ST8SIA4: variants seen among roughly 807,000 people sequenced by gnomAD.
ST8SIA4 encodes ST8 alpha-N-acetyl-neuraminide alpha-2,8-sialyltransferase 4, also known as CMP-N-acetylneuraminate-poly-alpha-2,8-sialyltransferase.
ST8SIA4 carries 15 observed loss-of-function variants against 33.9 expected under a neutral mutation model. The observed-to-expected ratio is 0.44, with a 90% CI of 0.30 to 0.68. The LOEUF (loss-of-function observed/expected upper bound fraction) is 0.68. ST8SIA4 is among the 30% of genes least tolerant of loss of function. The pLI, the probability that ST8SIA4 is intolerant of heterozygous loss-of-function variation, is 0.10. For synonymous variants in ST8SIA4, 171 were observed against 151.2 expected (o/e 1.13, Z -0.96); for missense variants, 321 against 428.0 (o/e 0.75, Z 2.21).
At chr5:100,890,799 T>C (rs1752644170) in intron 2 of ST8SIA4, 1 of 151,974 alleles carries the variant, frequency 6.6e-6, no homozygotes, top group African/African-American at 2.4e-5. Context: ...TCTGAAAATC[T>C]GTTTCATTTT....
chr5:100,892,594 T>TA lies in ST8SIA4; in HGVS notation c.245+3059dup, dbSNP rs199739015. On this transcript the variant is annotated intron_variant, in intron 2 of 4. Transcript: ENST00000231461. ...GGGTTGAAAATCATATCCACAAATGTAAAAAAAAATTATCTCAGGAACTGT... is the reference window on the plus strand; with the variant it reads ...GGGTTGAAAATCATATCCACAAATGTAAAAAAAAAATTATCTCAGGAACTGT... 3.2e-3 allele frequency among the ~76,000 whole-genome samples: 488 copies of TA among 151,382 alleles called. 1 individual carries two copies. Among genetic ancestry groups the TA allele is most frequent in the Non-Finnish European group, 3.4e-3 (231 of 67,780 alleles).
chr5:100,850,595 T>C (rs1751670644), intron 4 of ST8SIA4, among the ~76,000 whole-genome samples: 1 of 151,978 alleles, frequency 6.6e-6, no homozygotes, highest in Non-Finnish European at 1.5e-5. Flanking sequence ...TTTCCCAGAC[T>C]CAAATATCAA....
At chr5:100,831,759 G>T (rs531286121) in intron 4 of ST8SIA4, among the ~76,000 whole-genome samples, 23 of 152,070 alleles carry the variant, frequency 1.5e-4, no homozygotes, top group African/African-American at 5.5e-4. Flanking sequence ...TATATGAGTT[G>T]GGTCTGATTA....
intron 3 of ST8SIA4, among the ~76,000 whole-genome samples, chr5:100,873,967 C>T (rs555491138): frequency 1.3e-5 from 2 of 152,164 alleles, no homozygotes; most frequent in African/African-American, 4.8e-5. Flanking sequence ...GCACTTTAAG[C>T]ATTGCTTTGC....
At chr5:100,858,098 A>G (rs1483053651) in intron 3 of ST8SIA4, among the ~76,000 whole-genome samples, 1 of 152,036 alleles carries the variant, frequency 6.6e-6, no homozygotes, top group Non-Finnish European at 1.5e-5. Context: ...TGTGGAACTC[A>G]AGGAAGATCA....
chr5:100,886,923 A>C (rs1247682934), intron 2 of ST8SIA4, among the ~76,000 whole-genome samples: 1 of 152,130 alleles, frequency 6.6e-6, no homozygotes, highest in Admixed American at 6.5e-5. Context: ...AGTAAAACAC[A>C]GTGGCCATGA....
At chr5:100,843,601 G>A (rs562551998) in intron 4 of ST8SIA4, among the ~76,000 whole-genome samples, 51 of 151,834 alleles carry the variant, frequency 3.4e-4, no homozygotes, top group Non-Finnish European at 6.8e-4. Context: ...GAAAACTCAT[G>A]TAAAAATAAA....
chr5:100,873,242 G>A (rs1752234661), intron 3 of ST8SIA4, among the ~76,000 whole-genome samples: 1 of 152,036 alleles, frequency 6.6e-6, no homozygotes, highest in Admixed American at 6.6e-5. Context: ...AAAGCTGCAG[G>A]GCAGGGAATG....
chr5:100,814,321 T>G (rs1014635564), intron 4 of ST8SIA4, among the ~76,000 whole-genome samples: 1 of 152,018 alleles, frequency 6.6e-6, no homozygotes, highest in Admixed American at 6.6e-5. Context: ...CTTTAAAAAC[T>G]TTTTGTGGTC....
Position 100,839,200 on chromosome 5 carries a change from T to C in ST8SIA4, c.797+16903A>G, listed in dbSNP as rs1271389772. Reference sequence around the variant, plus strand: ...AAATTATATTTAATTATGATATGAATTTCACTTGTTTTCTGGGTAAATACA... The same window carrying C: ...AAATTATATTTAATTATGATATGAACTTCACTTGTTTTCTGGGTAAATACA... On this transcript the variant is annotated intron_variant, in intron 4 of 4. Transcript: ENST00000231461. 2.0e-5 allele frequency among the ~76,000 whole-genome samples: 3 copies of C among 151,924 alleles called. No individual in the cohort carries two copies. The East Asian group carries it at 5.8e-4, about 29-fold the overall frequency.
Position 100,808,145 on chromosome 5 carries a change from C to T in ST8SIA4, c.*3702G>A, listed in dbSNP as rs17779334. On this transcript the variant is annotated 3_prime_UTR_variant, in exon 5 of 5. Coordinates refer to ENST00000231461, the MANE Select transcript of ST8SIA4 (RefSeq NM_005668.6). ...ATCACGTTATATGCATTATGTCTAA[C>T]TGGCTCAATTAGAAATAAATTAATT... is the stretch of plus-strand genomic sequence containing the variant. 7,171 of 152,610 alleles carry T rather than the reference C, an allele frequency of 0.047. 259 individuals carry two copies. The highest frequency in any genetic ancestry group is 0.076 in the Non-Finnish European group (5,155 of 67,950). 9.5% of individuals were successfully genotyped at this position (152,610 alleles called of 1,614,324 possible).
At chr5:100,888,571 T>C (rs1237290512) in intron 2 of ST8SIA4, among the ~76,000 whole-genome samples, 1 of 152,010 alleles carries the variant, frequency 6.6e-6, no homozygotes, top group Admixed American at 6.6e-5. Flanking sequence ...TTATAACATT[T>C]AAGATATGAT....
intron 3 of ST8SIA4, among the ~76,000 whole-genome samples, chr5:100,873,244 C>T (rs1005859539): frequency 1.3e-5 from 2 of 151,632 alleles, no homozygotes; most frequent in Non-Finnish European, 2.9e-5. Flanking sequence ...AGCTGCAGGG[C>T]AGGGAATGAA....
rs546791185 is a variant in ST8SIA4, at chr5:100,848,513, T to C, written c.797+7590A>G. On this transcript the variant is annotated intron_variant, in intron 4 of 4. Transcript: ENST00000231461. Reference sequence around the variant, plus strand: ...CAGAGTATATATACTCTGTATAGTATATATAGAGACAGAGAAACAGCAAGA... The same window carrying C: ...CAGAGTATATATACTCTGTATAGTACATATAGAGACAGAGAAACAGCAAGA... Among the ~76,000 whole-genome samples, 23 of 150,146 alleles carry C rather than the reference T, an allele frequency of 1.5e-4. 1 individual carries two copies. In the South Asian group the frequency reaches 4.4e-3, roughly 29 times the overall value.
chr5:100,834,678 T>C (rs1262873195), intron 4 of ST8SIA4, among the ~76,000 whole-genome samples: 1 of 152,076 alleles, frequency 6.6e-6, no homozygotes, highest in Admixed American at 6.6e-5. Context: ...CCTTATGGCT[T>C]GGTGCTGTCC....
chr5:100,842,932 C>G (rs1338112040), intron 4 of ST8SIA4, among the ~76,000 whole-genome samples: 1 of 151,772 alleles, frequency 6.6e-6, no homozygotes. Flanking sequence ...AAGTTTGTAA[C>G]TGATGCAAAT....
chr5:100,827,580 G>T (rs1751171891), intron 4 of ST8SIA4, among the ~76,000 whole-genome samples: 1 of 152,302 alleles, frequency 6.6e-6, no homozygotes, highest in Non-Finnish European at 1.5e-5. Flanking sequence ...GGAGACTTAT[G>T]TATCTCAGTG....
intron 4 of ST8SIA4, among the ~76,000 whole-genome samples, chr5:100,850,173 A>G (rs1486072925): frequency 6.6e-6 from 1 of 152,180 alleles, no homozygotes; most frequent in Admixed American, 6.5e-5. Flanking sequence ...AAATATCTTT[A>G]AAAATTTTTT....
At chr5:100,826,830 A>G (rs913986877) in intron 4 of ST8SIA4, among the ~76,000 whole-genome samples, 1 of 151,848 alleles carries the variant, frequency 6.6e-6, no homozygotes, top group Non-Finnish European at 1.5e-5. Flanking sequence ...GTATAGTTAT[A>G]TGTTGTATAT....
Sources: allele counts gnomAD v4.1 joint callset (sites outside exome capture counted in the v4.1 genomes callset), GRCh38; gene constraint gnomAD v4.1.1; transcripts MANE v1.5; gene names NCBI Gene and HGNC (gene_info 2026-07-23, HGNC 2026-07-21).